Variants in TXNL4A observed in about 807,000 individuals in gnomAD.
TXNL4A encodes the protein thioredoxin like 4A.
In TXNL4A, 17 loss-of-function variants were observed where a neutral mutation model predicts 14.6. That is an observed-to-expected ratio of 1.16 (90% CI 0.80 to 1.74). The LOEUF (loss-of-function observed/expected upper bound fraction) is 1.74, where lower values mean the gene tolerates loss of function less well. Among genes scored for constraint, TXNL4A ranks in the 40% most tolerant of loss-of-function variants. TXNL4A has a pLI of 0.00. For missense variants in TXNL4A, 74 were observed against 195.2 expected (o/e 0.38, Z 3.70); for synonymous variants, 83 against 70.6 (o/e 1.18, Z -0.88).
intron 1 of TXNL4A, among the ~76,000 whole-genome samples, chr18:79,997,993 G>A (rs536481070): frequency 6.6e-6 from 1 of 152,288 alleles, no homozygotes; most frequent in South Asian, 2.1e-4. Context: ...GCTGGCTATT[G>A]TAGAAACTGG....
intron 1 of TXNL4A, among the ~76,000 whole-genome samples, chr18:79,984,504 C>T (rs1461101599): frequency 6.6e-6 from 1 of 152,174 alleles, no homozygotes; most frequent in Non-Finnish European, 1.5e-5. Context: ...GCTGAGGTTG[C>T]AGTGAGCCAA....
chr18:80,030,402 C>T (rs57915366), intron 1 of TXNL4A: 22,312 of 152,220 alleles, frequency 0.15, 1,752 homozygotes, highest in East Asian at 0.27. Context: ...AATCATGTAT[C>T]CCTTCACCTT....
At chr18:79,986,753 G>T (rs2051555365) in intron 1 of TXNL4A, 2 of 985,344 alleles carry the variant, frequency 2.0e-6, no homozygotes, top group African/African-American at 3.5e-5. Context: ...GCCACCACCT[G>T]CAATGTAGAA....
intron 1 of TXNL4A, among the ~76,000 whole-genome samples, chr18:79,995,973 G>A (rs1038387458): frequency 1.8e-4 from 27 of 151,782 alleles, no homozygotes; most frequent in Non-Finnish European, 2.9e-4. Flanking sequence ...GCATGGTGGC[G>A]GGCGCCTGTA....
intron 1 of TXNL4A, among the ~76,000 whole-genome samples, chr18:79,986,937 C>G (rs1367644693): frequency 6.6e-6 from 1 of 152,184 alleles, no homozygotes; most frequent in African/African-American, 2.4e-5. Flanking sequence ...CTCTAATCCC[C>G]GGCTGGCAGA....
chr18:80,017,075 C>G (rs1314683420), intron 1 of TXNL4A, among the ~76,000 whole-genome samples: 2 of 148,972 alleles, frequency 1.3e-5, no homozygotes, highest in Non-Finnish European at 3.0e-5. Context: ...AGAGGTCCTT[C>G]ACATCCCTTG....
rs2145073703 is a variant in TXNL4A, at chr18:79,982,717, T to C, written c.154-5016A>G. Among the ~76,000 whole-genome samples the C allele has an allele frequency of 6.6e-6, 1 of 152,174 alleles. No individual in the cohort carries two copies. The highest frequency in any genetic ancestry group is 2.1e-4 in the South Asian group (1 of 4,814). On this transcript the variant is annotated intron_variant, in intron 1 of 2. Coordinates refer to ENST00000269601, the MANE Select transcript of TXNL4A (RefSeq NM_006701.5). The surrounding 1 kb of genome is among the most constrained non-coding windows in gnomAD (Gnocchi z 4.0). Reference sequence around the variant, plus strand: ...GGACAACTTTCAAAAGCCGTGGCTATGGAGAGAGAGGGAAGTTACTGTGGG... The same window carrying C: ...GGACAACTTTCAAAAGCCGTGGCTACGGAGAGAGAGGGAAGTTACTGTGGG...
chr18:79,986,719 A>T, intron 1 of TXNL4A: 1 of 985,482 alleles, frequency 1.0e-6, no homozygotes, highest in East Asian at 1.1e-4. Flanking sequence ...CGGCAGCAGG[A>T]TCTGAACACC....
chr18:80,015,390 T>C (rs2051801239), intron 1 of TXNL4A, among the ~76,000 whole-genome samples: 3 of 151,412 alleles, frequency 2.0e-5, no homozygotes, highest in Admixed American at 1.3e-4. Context: ...CTTTAAGTTT[T>C]AGGGTACATG....
chr18:80,021,290 C>T (rs1182363605), intron 1 of TXNL4A, among the ~76,000 whole-genome samples: 2 of 152,078 alleles, frequency 1.3e-5, no homozygotes, highest in Non-Finnish European at 2.9e-5. Context: ...CATTCTCCTG[C>T]CTCAGCCTCC....
At chr18:80,000,048 C>T (rs971814338) in intron 1 of TXNL4A, among the ~76,000 whole-genome samples, 1 of 152,168 alleles carries the variant, frequency 6.6e-6, no homozygotes, top group Admixed American at 6.5e-5. Flanking sequence ...ATTACCCAGT[C>T]TTGGGTGTGT....
intron 1 of TXNL4A, among the ~76,000 whole-genome samples, chr18:80,004,144 G>C (rs1050676174): frequency 7.0e-6 from 1 of 142,646 alleles, no homozygotes; most frequent in Admixed American, 7.0e-5. Context: ...AAAAAAAAAA[G>C]CCTGGCAGTG....
At chr18:79,976,967 T>G (rs200493155) in intron 2 of TXNL4A, among the ~76,000 whole-genome samples, 1 of 8,134 alleles carries the variant, frequency 1.2e-4, no homozygotes, top group Non-Finnish European at 5.0e-4. Context: ...AGGTTTTTGA[T>G]TTTTTTTTTT....
chr18:80,006,132 T>C (rs989145529), intron 1 of TXNL4A, among the ~76,000 whole-genome samples: 2 of 151,920 alleles, frequency 1.3e-5, no homozygotes, highest in African/African-American at 4.8e-5. Flanking sequence ...ACGCCTGTAA[T>C]CCCAGCACTT....
At chr18:79,976,895 C>A in intron 2 of TXNL4A, 5 of 407,562 alleles carry the variant, frequency 1.2e-5, no homozygotes, top group South Asian at 7.0e-5. Flanking sequence ...CAAAGTAGTT[C>A]AGGTGTTCCT....
chr18:79,999,536 C>CAAAAAAAAAAAAAAAAAAA (rs1215965310), intron 1 of TXNL4A, among the ~76,000 whole-genome samples: 1 of 34,492 alleles, frequency 2.9e-5, no homozygotes, highest in Non-Finnish European at 6.8e-5. Flanking sequence ...GACTCCATCT[C>CAAAAAAAAAAAAAAAAAAA]AAAAAAAAAA....
chr18:79,977,560 C>G, intron 2 of TXNL4A, 38 bp downstream of exon 2: 1 of 1,446,896 alleles, frequency 6.9e-7, no homozygotes, highest in Admixed American at 1.9e-5. Context: ...TCCAAACTGA[C>G]AATATTCAAT....
intron 1 of TXNL4A, among the ~76,000 whole-genome samples, chr18:79,986,193 C>G (rs2051544927): frequency 6.6e-6 from 1 of 152,086 alleles, no homozygotes; most frequent in Non-Finnish European, 1.5e-5. Flanking sequence ...GCACGTGCCA[C>G]CACGCCCGGC....
chr18:79,986,380 G>C (rs1018809195), intron 1 of TXNL4A, among the ~76,000 whole-genome samples: 2 of 152,110 alleles, frequency 1.3e-5, no homozygotes, highest in Non-Finnish European at 2.9e-5. Flanking sequence ...CGCATTAAAA[G>C]TTTATTAATA....
Sources: allele counts gnomAD v4.1 joint callset (sites outside exome capture counted in the v4.1 genomes callset), GRCh38; gene constraint gnomAD v4.1.1; non-coding constraint Gnocchi (gnomAD v3.1); transcripts MANE v1.5; gene names NCBI Gene and HGNC (gene_info 2026-07-23, HGNC 2026-07-21).